Variants in FRMD3 observed in about 807,000 individuals in gnomAD.
The protein encoded by FRMD3 is FERM domain-containing protein 3.
FRMD3 carries 33 observed loss-of-function variants against 70.2 expected under a neutral mutation model. That is an observed-to-expected ratio of 0.47 (90% CI 0.36 to 0.63). The LOEUF (loss-of-function observed/expected upper bound fraction) is 0.63. Ranked by LOEUF, FRMD3 falls within the 20% of genes least tolerant of loss-of-function variation. The pLI, the probability that FRMD3 is intolerant of heterozygous loss-of-function variation, is 0.00. For missense variants in FRMD3, 632 were observed against 711.4 expected, an observed-to-expected ratio of 0.89 and a Z score of 1.27; for synonymous variants, 279 against 255.9, an observed-to-expected ratio of 1.09 and a Z score of -0.86.
intron 6 of FRMD3, among the ~76,000 whole-genome samples, chr9:83,315,821 G>A (rs1028606911): frequency 3.3e-5 from 5 of 152,164 alleles, no homozygotes; most frequent in South Asian, 2.1e-4. Flanking sequence ...GGTACCTTCC[G>A]CTCAAGCCTG....
chr9:83,546,449 CA>C, the FRMD3 span, among the ~76,000 whole-genome samples: 5 of 152,256 alleles, frequency 3.3e-5, no homozygotes, highest in Admixed American at 3.3e-4. Flanking sequence ...AACTATTTCC[CA>C]GACAAGCAAA....
intron 2 of FRMD3, among the ~76,000 whole-genome samples, chr9:83,383,346 C>A (rs1002171147): frequency 2.0e-5 from 3 of 152,180 alleles, no homozygotes; most frequent in Non-Finnish European, 4.4e-5. Context: ...CATTAAACAG[C>A]AATAGATAAT....
At chr9:83,402,647 C>T (rs1825980751) in intron 1 of FRMD3, among the ~76,000 whole-genome samples, 1 of 152,094 alleles carries the variant, frequency 6.6e-6, no homozygotes, top group Non-Finnish European at 1.5e-5. Flanking sequence ...TATATACATG[C>T]AGCCTTAATA....
chr9:83,464,711 A>G (rs1318208890), intron 1 of FRMD3, among the ~76,000 whole-genome samples: 1 of 152,030 alleles, frequency 6.6e-6, no homozygotes, highest in Non-Finnish European at 1.5e-5. Context: ...GGACATTTAA[A>G]CTGGTCAAAG....
chr9:83,477,215 G>A (rs117696586), intron 1 of FRMD3, among the ~76,000 whole-genome samples: 322 of 152,262 alleles, frequency 2.1e-3, no homozygotes, highest in Non-Finnish European at 4.0e-3. Context: ...GAAAAGCACC[G>A]GCCCAGTGTA....
chr9:83,517,787 C>A (rs149823983), intron 1 of FRMD3, among the ~76,000 whole-genome samples: 1,666 of 152,264 alleles, frequency 0.011, 40 homozygotes, highest in Admixed American at 0.011. Context: ...AGCTTATCCA[C>A]CACGATCAAG....
At chr9:83,299,496 C>T (rs1429334623) in intron 10 of FRMD3, among the ~76,000 whole-genome samples, 1 of 152,138 alleles carries the variant, frequency 6.6e-6, no homozygotes, top group Non-Finnish European at 1.5e-5. Flanking sequence ...CAGTGATGAT[C>T]AGAAGGAATT....
At chr9:83,349,634 G>C (rs772542749) in intron 4 of FRMD3, 45 bp downstream of exon 4, 3 of 1,370,850 alleles carry the variant, frequency 2.2e-6, no homozygotes, top group Non-Finnish European at 3.1e-6. Flanking sequence ...AGAGATTCTG[G>C]CTGGTTAAAG....
At chr9:83,529,143 A>G (rs543489618) in intron 1 of FRMD3, among the ~76,000 whole-genome samples, 40 of 152,194 alleles carry the variant, frequency 2.6e-4, no homozygotes, top group Non-Finnish European at 4.6e-4. Flanking sequence ...GCCTCTAGAA[A>G]ATTCCACTGT....
At chr9:83,469,757 C>T (rs906990856) in intron 1 of FRMD3, among the ~76,000 whole-genome samples, 4 of 152,060 alleles carry the variant, frequency 2.6e-5, no homozygotes, top group African/African-American at 7.2e-5. Context: ...AATTAGAAAC[C>T]GGCTATTGTC....
At chr9:83,379,110 T>C (rs886924003) in intron 2 of FRMD3, among the ~76,000 whole-genome samples, 4 of 151,934 alleles carry the variant, frequency 2.6e-5, no homozygotes, top group Admixed American at 2.0e-4. Flanking sequence ...ATCTATACAA[T>C]TGCAATACCA....
downstream of FRMD3, chr9:83,243,052 C>G: frequency 1.4e-6 from 1 of 724,006 alleles, no homozygotes. Context: ...GAGGCCTAAG[C>G]AAGGTTCCTT....
the FRMD3 span, among the ~76,000 whole-genome samples, chr9:83,570,882 G>GTGAC: frequency 7.9e-5 from 12 of 152,322 alleles, no homozygotes; most frequent in African/African-American, 2.4e-4. Context: ...GTGGTGAGGA[G>GTGAC]TGACTGGGTT....
chr9:83,349,780 C>A (rs1189605863), intron 3 of FRMD3, 23 bp from the exon 4 acceptor site: 1 of 1,578,024 alleles, frequency 6.3e-7, no homozygotes, highest in Non-Finnish European at 8.7e-7. Context: ...AAAGAAAAGG[C>A]ATGAGAAAAG....
intron 6 of FRMD3, among the ~76,000 whole-genome samples, chr9:83,330,501 GT>G (rs1836217888): frequency 6.6e-6 from 1 of 152,160 alleles, no homozygotes; most frequent in Non-Finnish European, 1.5e-5. Flanking sequence ...TTCACACATA[GT>G]TTTACAAACA....
chr9:83,384,392 G>A (rs1305860729), intron 2 of FRMD3, among the ~76,000 whole-genome samples: 1 of 152,134 alleles, frequency 6.6e-6, no homozygotes, highest in African/African-American at 2.4e-5. Flanking sequence ...ATGCTGTCTG[G>A]CTTCCTGGCA....
chr9:83,248,186 G>A lies in FRMD3; in HGVS notation c.1526C>T (p.Ser509Leu), dbSNP rs200181003. 1.7e-3 allele frequency: 2,782 copies of A among 1,614,166 alleles called. 6 individuals carry two copies. Among genetic ancestry groups the A allele is most frequent in the South Asian group, 2.1e-3 (189 of 91,086 alleles). ...GCCAGTCAGAATGTCATAGCTCCACGACAAAGCACGGCGAGCCTCCTTCAG... is the reference window on the plus strand; with the variant it reads ...GCCAGTCAGAATGTCATAGCTCCACAACAAAGCACGGCGAGCCTCCTTCAG... ...EELKEARRALSWSYDILTGHI... is the reference protein window; with the variant it reads ...EELKEARRALLWSYDILTGHI... Residue 509 changes from serine (S) to leucine (L), a missense_variant, in exon 14 of 14, where the codon TCG becomes TTG. Physicochemically the swap from Ser to Leu is moderately radical, Grantham distance 145. Around this residue, in one of 3 missense-constraint regions of FRMD3, gnomAD observed 418 missense variants for 442.1 expected, o/e 0.95. Transcript: ENST00000304195.
intron 1 of FRMD3, among the ~76,000 whole-genome samples, chr9:83,454,448 C>A (rs1247849411): frequency 6.6e-6 from 1 of 152,104 alleles, no homozygotes; most frequent in Admixed American, 6.5e-5. Flanking sequence ...CCATCTTAAC[C>A]AAATATATTC....
chr9:83,538,500 T>G, upstream of FRMD3: 12 of 295,640 alleles, frequency 4.1e-5, no homozygotes, highest in Middle Eastern at 9.6e-4. This position sits in a 1 kb window ranked among gnomAD's most constrained non-coding sequence, Gnocchi z 4.7. Flanking sequence ...CTGCCCGGGC[T>G]CGCTCGCCGA....
Sources: allele counts gnomAD v4.1 joint callset (sites outside exome capture counted in the v4.1 genomes callset), GRCh38; gene constraint gnomAD v4.1.1; regional missense constraint gnomAD v4.1.1; non-coding constraint Gnocchi (gnomAD v3.1); transcripts MANE v1.5; gene names NCBI Gene and HGNC (gene_info 2026-07-23, HGNC 2026-07-21).